The following ANKS1B variants were observed in gnomAD, a reference collection of about 807,000 sequenced individuals.
ANKS1B encodes the protein ankyrin repeat and sterile alpha motif domain-containing protein 1B.
A neutral mutation model predicts 148.3 loss-of-function variants in ANKS1B; 36 were observed. The ratio of observed to expected loss-of-function variants is 0.24; its 90% CI spans 0.19 to 0.32. The LOEUF (loss-of-function observed/expected upper bound fraction) is 0.32. Ranked by LOEUF, ANKS1B falls within the 10% of genes least tolerant of loss-of-function variation. ANKS1B has a pLI of 1.00. For synonymous variants in ANKS1B, 542 were observed against 560.8 expected (o/e 0.97, Z 0.47); for missense variants, 1,157 against 1,542.6 (o/e 0.75, Z 4.19).
intron 1 of ANKS1B, among the ~76,000 whole-genome samples, chr12:99,983,062 A>C (rs1470093540): frequency 2.0e-5 from 3 of 152,216 alleles, no homozygotes; most frequent in Admixed American, 1.3e-4. Context: ...CAGGGAAATC[A>C]CTTGGGCTTT....
At chr12:99,526,814 T>C (rs549833988) in intron 9 of ANKS1B, among the ~76,000 whole-genome samples, 1 of 152,294 alleles carries the variant, frequency 6.6e-6, no homozygotes, top group South Asian at 2.1e-4. Context: ...CGTGTCAAAG[T>C]CCTAACCCCA....
intron 1 of ANKS1B, among the ~76,000 whole-genome samples, chr12:99,845,770 T>G (rs2086565304): frequency 6.6e-6 from 1 of 152,092 alleles, no homozygotes; most frequent in Non-Finnish European, 1.5e-5. Context: ...CCTTTTCGAT[T>G]TTTTTGGAAT....
chr12:99,961,122 A>C (rs554316295), intron 1 of ANKS1B, among the ~76,000 whole-genome samples: 1 of 152,144 alleles, frequency 6.6e-6, no homozygotes, highest in Non-Finnish European at 1.5e-5. Flanking sequence ...TCAGCTACTC[A>C]GGAGGCTGAG....
At chr12:98,764,745 C>T (rs2098458439) in intron 25 of ANKS1B, among the ~76,000 whole-genome samples, 1 of 152,216 alleles carries the variant, frequency 6.6e-6, no homozygotes. Flanking sequence ...GTTGCCGTGC[C>T]TCCAAACCGA....
intron 17 of ANKS1B, among the ~76,000 whole-genome samples, chr12:98,922,223 A>G (rs1312948415): frequency 6.6e-6 from 1 of 152,202 alleles, no homozygotes; most frequent in Non-Finnish European, 1.5e-5. Context: ...TCTTTGTGCA[A>G]CTTTAGAATA....
intron 9 of ANKS1B, among the ~76,000 whole-genome samples, chr12:99,515,313 A>T (rs1264089833): frequency 6.6e-6 from 1 of 151,840 alleles, no homozygotes; most frequent in Non-Finnish European, 1.5e-5. Flanking sequence ...CACAACTCCC[A>T]CCCTCAGACC....
chr12:99,260,868 T>G (rs2075855349), intron 12 of ANKS1B, among the ~76,000 whole-genome samples: 2 of 152,048 alleles, frequency 1.3e-5, no homozygotes, highest in Admixed American at 6.6e-5. Flanking sequence ...TTTGCTTGGG[T>G]TTTTCATGAT....
intron 16 of ANKS1B, among the ~76,000 whole-genome samples, chr12:99,060,420 A>C (rs1029732614): frequency 1.3e-5 from 2 of 152,038 alleles, no homozygotes; most frequent in African/African-American, 4.8e-5. Flanking sequence ...TGCTTGATCG[A>C]CTTCAACCAG....
intron 8 of ANKS1B, among the ~76,000 whole-genome samples, chr12:99,697,957 C>T (rs867272988): frequency 2.0e-5 from 3 of 151,920 alleles, no homozygotes; most frequent in Middle Eastern, 3.4e-3. Flanking sequence ...ACATAGCATG[C>T]TTTTGATTAA....
chr12:99,309,397 T>G (rs968680202), intron 12 of ANKS1B, among the ~76,000 whole-genome samples: 1 of 151,992 alleles, frequency 6.6e-6, no homozygotes, highest in South Asian at 2.1e-4. Flanking sequence ...CATTAATAGT[T>G]TTCCACATAT....
intron 8 of ANKS1B, among the ~76,000 whole-genome samples, chr12:99,749,810 G>A (rs2060936427): frequency 1.3e-5 from 2 of 151,846 alleles, no homozygotes; most frequent in Admixed American, 1.3e-4. Flanking sequence ...GAGTGTCTCA[G>A]GGTTTAAAGA....
intron 11 of ANKS1B, among the ~76,000 whole-genome samples, chr12:99,402,357 G>T (rs2094427621): frequency 6.9e-6 from 1 of 145,576 alleles, no homozygotes; most frequent in Non-Finnish European, 1.5e-5. Flanking sequence ...ACATGTGCAG[G>T]TTTGTTACAT....
intron 15 of ANKS1B, among the ~76,000 whole-genome samples, chr12:99,142,317 T>C (rs1383302754): frequency 1.3e-5 from 2 of 152,126 alleles, no homozygotes; most frequent in Non-Finnish European, 2.9e-5. Context: ...AGTTTATTGG[T>C]TGCCATTTAT....
rs143846944 is a variant in ANKS1B, at chr12:98,919,290, A to T, written c.2779-87154T>A. Among the ~76,000 whole-genome samples, 3 of 152,334 alleles carry T rather than the reference A, an allele frequency of 2.0e-5. No individual in the cohort carries two copies. In the East Asian group the frequency reaches 5.8e-4, roughly 29 times the overall value. On this transcript the variant is annotated intron_variant, in intron 17 of 26. Transcript: ENST00000683438. ...GAGGATGGTGTGATCCTGTTTCAGA[A>T]AAATCTAATCTGTGTTAATGTTTGT...
intron 16 of ANKS1B, among the ~76,000 whole-genome samples, chr12:99,058,978 C>T (rs2153551579): frequency 6.6e-6 from 1 of 151,672 alleles, no homozygotes; most frequent in Admixed American, 6.6e-5. Context: ...ACCTCGTGAT[C>T]CGCCCGCCTC....
intron 1 of ANKS1B, among the ~76,000 whole-genome samples, chr12:99,871,531 T>A (rs1299864433): frequency 6.6e-6 from 1 of 152,170 alleles, no homozygotes; most frequent in Non-Finnish European, 1.5e-5. Flanking sequence ...TATTGATTCT[T>A]CCAATCCATG....
chr12:99,648,851 T>C (rs2098399208), intron 9 of ANKS1B: 4 of 1,523,240 alleles, frequency 2.6e-6, no homozygotes, highest in Non-Finnish European at 3.5e-6. Context: ...GTACAGGTCC[T>C]GTAAAGCCTT....
Position 98,781,099 on chromosome 12 carries a change from G to A in ANKS1B, c.3441+18C>T. The A allele has an allele frequency of 6.7e-7, 1 of 1,482,786 alleles. No individual in the cohort carries two copies. The highest frequency in any genetic ancestry group is 9.2e-7 in the Non-Finnish European group (1 of 1,083,438). 91.9% of individuals were successfully genotyped at this position (1,482,786 alleles called of 1,614,324 possible). A position where few individuals can be genotyped will look rare whatever the true frequency, so the allele number is the denominator to read the frequency against. On this transcript the variant is annotated intron_variant, in intron 24 of 26. Coordinates refer to ENST00000683438, the MANE Select transcript of ANKS1B (RefSeq NM_001352186.2). ...GACTGCATCTGGTGTCTAAACCAGA[G>A]AGAGGAGTGGTACTTACCTTATTTG...
intron 8 of ANKS1B, among the ~76,000 whole-genome samples, chr12:99,689,164 C>A (rs773306619): frequency 6.6e-6 from 1 of 152,134 alleles, no homozygotes; most frequent in Non-Finnish European, 1.5e-5. Context: ...TTAAACTATT[C>A]AAATCCATCT....
Sources: allele counts gnomAD v4.1 joint callset (sites outside exome capture counted in the v4.1 genomes callset), GRCh38; gene constraint gnomAD v4.1.1; transcripts MANE v1.5; gene names NCBI Gene and HGNC (gene_info 2026-07-23, HGNC 2026-07-21).